The following LCLAT1 variants were observed in gnomAD, a reference collection of about 807,000 sequenced individuals.
LCLAT1 encodes 1-AGP acyltransferase 8.
LCLAT1 carries 11 observed loss-of-function variants against 30.7 expected under a neutral mutation model. That is an observed-to-expected ratio of 0.36 (90% CI 0.23 to 0.59). The LOEUF (loss-of-function observed/expected upper bound fraction) is 0.59. Among genes scored for constraint, LCLAT1 ranks in the 20% least tolerant of loss-of-function variants. The probability of loss-of-function intolerance (pLI) is 0.77; values close to 1 mark genes in which losing one functional copy is unlikely to be tolerated. For synonymous variants in LCLAT1, 155 were observed against 151.3 expected (o/e 1.02, Z -0.18); for missense variants, 402 against 458.6 (o/e 0.88, Z 1.13).
At chr2:30,485,548 C>G (rs996984926) in intron 1 of LCLAT1, among the ~76,000 whole-genome samples, 5 of 152,010 alleles carry the variant, frequency 3.3e-5, no homozygotes, top group African/African-American at 1.2e-4. Context: ...AATAGTTGCT[C>G]TTAAGTGTTC....
intron 1 of LCLAT1, among the ~76,000 whole-genome samples, chr2:30,500,455 A>G (rs919335347): frequency 3.3e-5 from 5 of 152,204 alleles, no homozygotes; most frequent in Admixed American, 6.5e-5. Flanking sequence ...AGAGTTAAGC[A>G]CTTCTCTAGA....
Position 30,502,816 on chromosome 2 carries a change from T to G in LCLAT1, c.-4-22771T>G, listed in dbSNP as rs146070042. Among the ~76,000 whole-genome samples, 20 of 152,318 alleles carry G rather than the reference T, an allele frequency of 1.3e-4. No individual in the cohort carries two copies. In the East Asian group the frequency reaches 3.3e-3, roughly 25 times the overall value. ...TTTCCTCCTTTACTATGAATAGTGC[T>G]GCTATTGATGCAGGACAGGTGAGCC... On this transcript the variant is annotated intron_variant, in intron 1 of 5. Coordinates refer to ENST00000379509, the MANE Select transcript of LCLAT1 (RefSeq NM_001002257.3).
chr2:30,459,321 C>G (rs373915877), intron 1 of LCLAT1, among the ~76,000 whole-genome samples: 7 of 152,296 alleles, frequency 4.6e-5, no homozygotes, highest in African/African-American at 1.2e-4. Context: ...CTCTCTGGAA[C>G]TTTGTAGAGG....
intron 1 of LCLAT1, among the ~76,000 whole-genome samples, chr2:30,506,218 G>A (rs753665579): frequency 1.3e-4 from 20 of 151,886 alleles, no homozygotes; most frequent in Non-Finnish European, 2.5e-4. Flanking sequence ...GTTCTGTTTC[G>A]GAAGAATGAA....
chr2:30,472,727 C>T (rs897509293), intron 1 of LCLAT1, among the ~76,000 whole-genome samples: 2 of 152,014 alleles, frequency 1.3e-5, no homozygotes, highest in African/African-American at 4.8e-5. Context: ...GATTACCTTT[C>T]CAGGTAATTT....
intron 5 of LCLAT1, among the ~76,000 whole-genome samples, chr2:30,633,688 A>G (rs568276646): frequency 3.3e-5 from 5 of 152,316 alleles, no homozygotes; most frequent in Admixed American, 2.0e-4. Flanking sequence ...CCATCTCAAA[A>G]TAAATAAATA....
At chr2:30,492,680 C>T (rs1411730329) in intron 1 of LCLAT1, among the ~76,000 whole-genome samples, 1 of 151,742 alleles carries the variant, frequency 6.6e-6, no homozygotes, top group East Asian at 1.9e-4. Context: ...ACCTAAAATG[C>T]TAGATATTTT....
chr2:30,631,018 G>A (rs1572719745), intron 5 of LCLAT1, among the ~76,000 whole-genome samples: 1 of 152,292 alleles, frequency 6.6e-6, no homozygotes, highest in Non-Finnish European at 1.5e-5. Flanking sequence ...AGTTGATACT[G>A]TATCAGTTAG....
At chr2:30,502,732 C>G (rs1350691440) in intron 1 of LCLAT1, among the ~76,000 whole-genome samples, 1 of 151,952 alleles carries the variant, frequency 6.6e-6, no homozygotes, top group Non-Finnish European at 1.5e-5. Flanking sequence ...AGTATAATAT[C>G]TACTGATAGA....
intron 3 of LCLAT1, 62 bp downstream of exon 3, chr2:30,533,376 A>T (rs1686076340): frequency 7.3e-7 from 1 of 1,364,150 alleles, no homozygotes; most frequent in South Asian, 1.2e-5. Flanking sequence ...CACCCACTGT[A>T]AAACTGACTT....
At chr2:30,639,383 T>TGACTGCTGAAAACAC (rs74765547) in intron 5 of LCLAT1, among the ~76,000 whole-genome samples, 133,811 of 152,162 alleles carry the variant, frequency 0.88, 59,248 homozygotes, top group African/African-American at 0.97. Flanking sequence ...CTCTGGCCTG[T>TGACTGCTGAAAACAC]TTAAGTGAAA....
At chr2:30,502,969 G>T (rs181704778) in intron 1 of LCLAT1, among the ~76,000 whole-genome samples, 1 of 152,212 alleles carries the variant, frequency 6.6e-6, no homozygotes, top group Non-Finnish European at 1.5e-5. Flanking sequence ...CTCACAGGCA[G>T]TGGGCCCAGA....
At chr2:30,476,856 T>C (rs75551226) in intron 1 of LCLAT1, among the ~76,000 whole-genome samples, 1,929 of 152,336 alleles carry the variant, frequency 0.013, 42 homozygotes, top group African/African-American at 0.044. Context: ...TTTAGTTGTC[T>C]GTATTAAGCT....
In LCLAT1 at chr2:30,461,770, CTTTT is replaced by C. The variant is rs1553354407; in HGVS notation, c.-5+14402_-5+14405del. ...TGTGGACCACTTTTTCTAAATTAAA[CTTTT>C]TTTTTTTTTTTTTTGAGACGGAGTC... On this transcript the variant is annotated intron_variant, in intron 1 of 5. Transcript: ENST00000379509. 1.8e-4 allele frequency among the ~76,000 whole-genome samples: 24 copies of C among 131,802 alleles called. 3 individuals carry two copies. The highest frequency in any genetic ancestry group is 2.5e-4 in the Non-Finnish European group (15 of 61,146). The allele number at this position is 131,802 out of a possible 152,430, so 86.5% of individuals were successfully genotyped here. A position where few individuals can be genotyped will look rare whatever the true frequency, so the allele number is the denominator to read the frequency against.
At chr2:30,604,157 G>A (rs1447175410) in intron 5 of LCLAT1, among the ~76,000 whole-genome samples, 4 of 152,156 alleles carry the variant, frequency 2.6e-5, no homozygotes, top group African/African-American at 9.7e-5. Flanking sequence ...CAGATGTAAT[G>A]AGTGTCATTT....
chr2:30,482,530 A>T (rs756971915), intron 1 of LCLAT1, among the ~76,000 whole-genome samples: 29 of 152,186 alleles, frequency 1.9e-4, no homozygotes, highest in Non-Finnish European at 2.8e-4. Context: ...ACTGAGAATG[A>T]TGTTACTTAT....
rs1334429887 is a variant in LCLAT1, at chr2:30,642,803, A to G, written c.*2184A>G. ...TAAAGTACATTTAGTGCTGTATAGC[A>G]CTAAAACTTAGAGATACAGACACTG... On this transcript the variant is annotated 3_prime_UTR_variant, in exon 6 of 6. Coordinates refer to ENST00000379509, the MANE Select transcript of LCLAT1 (RefSeq NM_001002257.3). 1.6e-5 allele frequency: 2 copies of G among 128,528 alleles called. No individual in the cohort carries two copies. The highest frequency in any genetic ancestry group is 6.0e-5 in the African/African-American group (2 of 33,366). The allele number at this position is 128,528 out of a possible 1,614,324, so 8.0% of individuals were successfully genotyped here.
intron 5 of LCLAT1, chr2:30,606,782 A>G (rs1159709194): frequency 6.6e-6 from 1 of 152,172 alleles, no homozygotes; most frequent in African/African-American, 2.4e-5. Context: ...AAAAGAAACT[A>G]TCATCAGAGC....
At chr2:30,568,864 C>CAAAA (rs61325694) in intron 5 of LCLAT1, among the ~76,000 whole-genome samples, 22,745 of 88,828 alleles carry the variant, frequency 0.26, 2,960 homozygotes, top group African/African-American at 0.28. Context: ...TCATGAATAG[C>CAAAA]AAAAAAAAAA....
Sources: gnomAD v4.1 joint callset for allele counts (sites outside exome capture counted in the v4.1 genomes callset) on GRCh38, gnomAD v4.1.1 for gene constraint, MANE v1.5 for transcripts, NCBI Gene and HGNC (gene_info 2026-07-23, HGNC 2026-07-21) for gene names.